CNKSR1: variants seen among roughly 807,000 people sequenced by gnomAD.
CNKSR1 encodes connector enhancer of kinase suppressor of Ras 1, also known as CNK homolog protein 1.
In CNKSR1, 88 loss-of-function variants were observed where a neutral mutation model predicts 95.6. The observed-to-expected ratio is 0.92, with a 90% CI of 0.78 to 1.10. The LOEUF is 1.10. Ranked by LOEUF, CNKSR1 falls within the 50% of genes least tolerant of loss-of-function variation. The pLI is 0.00. For synonymous variants in CNKSR1, 355 were observed against 369.7 expected (o/e 0.96, Z 0.46); for missense variants, 836 against 912.0 (o/e 0.92, Z 1.07).
Position 26,188,285 on chromosome 1 carries a change from G to T in CNKSR1, c.1506G>T (p.Arg502=), listed in dbSNP as rs771431411. 6.2e-7 allele frequency: 1 copy of T among 1,614,078 alleles called. No homozygotes were observed. Among genetic ancestry groups the T allele is most frequent in the Admixed American group, 1.7e-5 (1 of 60,006 alleles). Residue 502 remains arginine, a synonymous_variant, in exon 17 of 21, where the codon CGG becomes CGT. Transcript: ENST00000361530. Reference sequence around the variant, plus strand: ...TCTCCAAGTACCAGTCTCCAGGCCGGGCCCCCCCACCCCGAGAGGAAGGTA... The same window carrying T: ...TCTCCAAGTACCAGTCTCCAGGCCGTGCCCCCCCACCCCGAGAGGAAGGTA... The part of the protein sequence containing the change: ...TCISKYQSPG[R]APPPREEDCY...
chr1:26,187,273 T>A, intron 15 of CNKSR1, 32 bp downstream of exon 15: 1 of 1,602,656 alleles, frequency 6.2e-7, no homozygotes, highest in Non-Finnish European at 8.5e-7. Flanking sequence ...GGCTGGGGGA[T>A]GGAGACAGAA....
rs545463342 is a variant in CNKSR1 at position 26,178,811 on chromosome 1, G to A, written c.52+1212G>A. On this transcript the variant is annotated intron_variant, in intron 1 of 20. Coordinates refer to ENST00000361530, the MANE Select transcript of CNKSR1 (RefSeq NM_006314.3). The stretch of plus-strand genomic sequence containing the variant: ...GCTCAATGCCTGGGTCTATTGGGAG[G>A]GCACCAGCCCAATACAGTCACCGTG... 9.9e-5 allele frequency among the ~76,000 whole-genome samples: 15 copies of A among 152,278 alleles called. No homozygotes were observed. In the South Asian group the frequency reaches 2.9e-3, roughly 29 times the overall value.
Position 26,188,521 on chromosome 1 carries a change from G to T in CNKSR1, c.1590+18G>T, listed in dbSNP as rs370887056. ...CAGCCTCGGTGAGTGGGGGGCTGCC[G>T]GGGGTAGGAGGTGGGGATAAACAAC... On this transcript the variant is annotated intron_variant, in intron 18 of 20. Coordinates refer to ENST00000361530, the MANE Select transcript of CNKSR1 (RefSeq NM_006314.3). 25 of 1,602,684 alleles carry T rather than the reference G, an allele frequency of 1.6e-5. No individual in the cohort carries two copies. Among genetic ancestry groups the T allele is most frequent in the Non-Finnish European group, 2.0e-5 (24 of 1,175,006 alleles).
In CNKSR1 at chr1:26,184,254, A is replaced by G. The variant is rs1336471143; in HGVS notation, c.967A>G (p.Asn323Asp). 1 of 1,613,522 alleles carries G rather than the reference A, an allele frequency of 6.2e-7. No individual in the cohort carries two copies. Among genetic ancestry groups the G allele is most frequent in the Non-Finnish European group, 8.5e-7 (1 of 1,179,890 alleles). The stretch of plus-strand genomic sequence containing the variant: ...CGTCTTTGCCTTTGACCTGTCTTCA[A>G]ACCCCAGTCCCGGACCCAGCCCTGC... ...EDVFAFDLSS[N>D]PSPGPSPAWT... Residue 323 changes from asparagine (N) to aspartate (D), a missense_variant, in exon 11 of 21, where the codon AAC becomes GAC. Physicochemically the swap from Asn to Asp is conservative, Grantham distance 23. Transcript: ENST00000361530.
At chr1:26,187,311 G>A in intron 15 of CNKSR1, 70 bp downstream of exon 15, 1 of 1,587,440 alleles carries the variant, frequency 6.3e-7, no homozygotes, top group Middle Eastern at 1.7e-4. Flanking sequence ...TGGGGTAGCA[G>A]TGGGAGGTGT....
In CNKSR1 at chr1:26,188,895, G is replaced by A. The variant is rs554498106; in HGVS notation, c.1814G>A (p.Arg605Gln). 2.4e-5 allele frequency: 38 copies of A among 1,613,882 alleles called. No homozygotes were observed. Among genetic ancestry groups the A allele is most frequent in the African/African-American group, 1.6e-4 (12 of 75,036 alleles). ...CGGAGCTCTTTCATGCGGCGCAACC[G>A]AGACCCTCAGCTCAATGAGCGAGTG... ...QWRSSFMRRN[R>Q]DPQLNERVHR... Residue 605 changes from arginine (R) to glutamine (Q), a missense_variant, in exon 20 of 21, where the codon CGA becomes CAA. Physicochemically the swap from Arg to Gln is conservative, Grantham distance 43 (BLOSUM62 1). Coordinates refer to ENST00000361530, the MANE Select transcript of CNKSR1 (RefSeq NM_006314.3).
rs745730216 is a variant in CNKSR1, at chr1:26,184,628, G to C, written c.1135+16G>C. 24 of 1,591,924 alleles carry C rather than the reference G, an allele frequency of 1.5e-5. No individual in the cohort carries two copies. The highest frequency in any genetic ancestry group is 1.4e-4 in the Admixed American group (8 of 56,154). The stretch of plus-strand genomic sequence containing the variant: ...AAATCAAAAGGTATGAGGTGCGCTG[G>C]ACTAGGTGGGGGTTCCCCTGTTTGA... On this transcript the variant is annotated intron_variant, in intron 13 of 20. Coordinates refer to ENST00000361530, the MANE Select transcript of CNKSR1 (RefSeq NM_006314.3).
intron 2 of CNKSR1, 44 bp downstream of exon 2, chr1:26,180,654 G>A: frequency 6.2e-7 from 1 of 1,613,996 alleles, no homozygotes; most frequent in Non-Finnish European, 8.5e-7. Flanking sequence ...CCACCAACCT[G>A]GGGGGTGTGA....
intron 3 of CNKSR1, 33 bp downstream of exon 3, chr1:26,180,929 T>G: frequency 6.2e-7 from 1 of 1,613,402 alleles, no homozygotes; most frequent in Non-Finnish European, 8.5e-7. Context: ...TGAGGGACTA[T>G]TGTCATCCTT....
rs1557622630 is a variant in CNKSR1, at chr1:26,184,388, C to G, written c.1001-13C>G. The stretch of plus-strand genomic sequence containing the variant: ...CTCATAGACTTTCCCTCTCTCTCCT[C>G]CCTCCCTGACAGACTCTGCCTCCCT... On this transcript the variant is annotated splice_polypyrimidine_tract_variant and intron_variant, in intron 11 of 20. Coordinates refer to ENST00000361530, the MANE Select transcript of CNKSR1 (RefSeq NM_006314.3). 3.1e-6 allele frequency: 5 copies of G among 1,609,976 alleles called. No homozygotes were observed. The highest frequency in any genetic ancestry group is 3.4e-6 in the Non-Finnish European group (4 of 1,176,732).
At chr1:26,179,354 A>C (rs1378933623) in intron 1 of CNKSR1, among the ~76,000 whole-genome samples, 1 of 152,118 alleles carries the variant, frequency 6.6e-6, no homozygotes, top group East Asian at 1.9e-4. Context: ...TTCCTGGAGG[A>C]AGTTAGATGA....
At chr1:26,185,457 A>G (rs1274615087) in intron 14 of CNKSR1, among the ~76,000 whole-genome samples, 1 of 147,734 alleles carries the variant, frequency 6.8e-6, no homozygotes, top group Non-Finnish European at 1.5e-5. Context: ...CAGTGGCATC[A>G]TCTCGGCTCA....
In CNKSR1 at chr1:26,188,464, A is replaced by G; in HGVS notation, c.1551A>G (p.Ala517=). Residue 517 remains alanine, a synonymous_variant, in exon 18 of 21, where the codon GCA becomes GCG. Coordinates refer to ENST00000361530, the MANE Select transcript of CNKSR1 (RefSeq NM_006314.3). ...CAGACTGCTACAGTGAGACCGAAGC[A>G]GAGGACCCGGACGATGAGGCTGGGT... is the stretch of plus-strand genomic sequence containing the variant. ...REEDCYSETE[A]EDPDDEAGSH... The G allele has an allele frequency of 1.2e-6, 2 of 1,606,038 alleles. No individual in the cohort carries two copies. The highest frequency in any genetic ancestry group is 1.3e-5 in the African/African-American group (1 of 74,952).
intron 16 of CNKSR1, 27 bp downstream of exon 16, chr1:26,187,509 C>T (rs1302974244): frequency 8.7e-6 from 14 of 1,610,184 alleles, no homozygotes; most frequent in Non-Finnish European, 1.1e-5. Flanking sequence ...TTAGCCCCTA[C>T]TCTCATATGA....
intron 1 of CNKSR1, 125 bp downstream of exon 1, chr1:26,177,724 C>T (rs2088584681): frequency 1.7e-6 from 2 of 1,145,458 alleles, no homozygotes. Context: ...ACCTGTAATC[C>T]CAGCACTTTG....
chr1:26,185,095 G>C lies in CNKSR1; in HGVS notation c.1217G>C (p.Arg406Pro). ...GACTGTGACGGCTGGCTCCTGTTGC[G>C]AAAGGCACCGGGCGGCTTCATGGGC... ...RPDCDGWLLL[R>P]KAPGGFMGPR... The change falls in exon 14 of 21, where the codon CGA becomes CCA. Residue 406 changes from arginine (R) to proline (P), a missense_variant. Transcript: ENST00000361530. The C allele has an allele frequency of 6.2e-7, 1 of 1,605,078 alleles. No homozygotes were observed. Among genetic ancestry groups the C allele is most frequent in the South Asian group, 1.1e-5 (1 of 89,794 alleles).
At chr1:26,187,145 C>T (rs1182328406) in intron 14 of CNKSR1, 23 bp from the exon 15 acceptor site, 1 of 1,603,088 alleles carries the variant, frequency 6.2e-7, no homozygotes, top group South Asian at 1.1e-5. Flanking sequence ...TCCAACCTGA[C>T]CCTCATGCTG....
rs146897334 is a variant in CNKSR1 at position 26,184,130 on chromosome 1, A to G, written c.915A>G (p.Pro305=). Reference sequence around the variant, plus strand: ...GGAGCCCATCACTGTCTCTGGCCCCACTGTCTCCCAGGTAACAGGCTCTGT... The same window carrying G: ...GGAGCCCATCACTGTCTCTGGCCCCGCTGTCTCCCAGGTAACAGGCTCTGT... ...HQRSPSLSLA[P]LSPRAPSEDV... Residue 305 remains proline (P), a synonymous_variant, in exon 10 of 21, where the codon CCA becomes CCG. Coordinates refer to ENST00000361530, the MANE Select transcript of CNKSR1 (RefSeq NM_006314.3). 81 of 1,608,580 alleles carry G rather than the reference A, an allele frequency of 5.0e-5. No individual in the cohort carries two copies. The highest frequency in any genetic ancestry group is 6.4e-5 in the Non-Finnish European group (76 of 1,178,538).
rs759430021 is a variant in CNKSR1, at chr1:26,188,849, C to A, written c.1768C>A (p.Pro590Thr). 1.2e-6 allele frequency: 2 copies of A among 1,613,588 alleles called. No homozygotes were observed. Among genetic ancestry groups the A allele is most frequent in the Non-Finnish European group, 1.7e-6 (2 of 1,179,962 alleles). ...CGTGTCCCTCCTAGGCCAGCCACAG[C>A]CCCTGACCCAGGAACAGTGGCGGAG... ...GGVSLLGQPQ[P>T]LTQEQWRSSF... The change falls in exon 20 of 21, where the codon CCC becomes ACC. Residue 590 changes from proline (P) to threonine (T), a missense_variant. Pro to Thr is a conservative substitution (Grantham distance 38). Coordinates refer to ENST00000361530, the MANE Select transcript of CNKSR1 (RefSeq NM_006314.3).
Sources: gnomAD v4.1 joint callset for allele counts (sites outside exome capture counted in the v4.1 genomes callset) on GRCh38, gnomAD v4.1.1 for gene constraint, MANE v1.5 for transcripts, NCBI Gene and HGNC (gene_info 2026-07-23, HGNC 2026-07-21) for gene names.